Variants in ATP8A2 observed in about 807,000 individuals in gnomAD.
ATP8A2 encodes ATPase phospholipid transporting 8A2.
ATP8A2 carries 100 observed loss-of-function variants against 165.6 expected under a neutral mutation model. That is an observed-to-expected ratio of 0.60 (90% CI 0.51 to 0.71). The LOEUF is 0.71. Among genes scored for constraint, ATP8A2 ranks in the 30% least tolerant of loss-of-function variants. The pLI is 0.00. For synonymous variants in ATP8A2, 543 were observed against 548.8 expected (o/e 0.99, Z 0.15); for missense variants, 1,227 against 1,479.5 (o/e 0.83, Z 2.80).
chr13:25,817,777 A>C (rs1384656804), intron 27 of ATP8A2, among the ~76,000 whole-genome samples: 2 of 151,842 alleles, frequency 1.3e-5, no homozygotes, highest in Non-Finnish European at 2.9e-5. Context: ...TCTCTGGCTC[A>C]AGCAACCTTC....
intron 33 of ATP8A2, among the ~76,000 whole-genome samples, chr13:25,952,405 T>G (rs948277362): frequency 1.3e-5 from 2 of 150,800 alleles, no homozygotes; most frequent in Admixed American, 1.3e-4. Flanking sequence ...TGCTCCCAGA[T>G]AGGGTCACTC....
chr13:25,970,516 A>G (rs1407803140), intron 35 of ATP8A2, among the ~76,000 whole-genome samples: 2 of 152,232 alleles, frequency 1.3e-5, no homozygotes, highest in African/African-American at 2.4e-5. Context: ...GGCCACATGC[A>G]TTTTGCAGAG....
intron 2 of ATP8A2, among the ~76,000 whole-genome samples, chr13:25,524,272 T>G (rs890442299): frequency 2.6e-5 from 4 of 152,146 alleles, no homozygotes. Flanking sequence ...TTGATTTATA[T>G]CCTAAGATAT....
intron 27 of ATP8A2, among the ~76,000 whole-genome samples, chr13:25,781,487 CT>C (rs536351975): frequency 5.9e-5 from 9 of 151,406 alleles, no homozygotes; most frequent in African/African-American, 1.5e-4. Flanking sequence ...ATTTTTCAAA[CT>C]TTTTTTTGTT....
intron 35 of ATP8A2, among the ~76,000 whole-genome samples, chr13:25,974,877 C>A (rs1164905414): frequency 6.6e-6 from 1 of 152,140 alleles, no homozygotes; most frequent in Non-Finnish European, 1.5e-5. Flanking sequence ...CTTCACCCAC[C>A]ATCCCACAGC....
chr13:25,511,176 G>A (rs528994655), intron 2 of ATP8A2, among the ~76,000 whole-genome samples: 45 of 152,246 alleles, frequency 3.0e-4, no homozygotes, highest in African/African-American at 1.1e-3. Flanking sequence ...TATCATGTTT[G>A]CCTCTTTTCT....
intron 28 of ATP8A2, among the ~76,000 whole-genome samples, chr13:25,831,923 A>G (rs961976984): frequency 0.017 from 9 of 532 alleles, no homozygotes; most frequent in African/African-American, 0.065. Flanking sequence ...CATTATATCC[A>G]TAGTCAATTT....
At chr13:25,765,199 C>A (rs2044465916) in intron 25 of ATP8A2, among the ~76,000 whole-genome samples, 1 of 152,054 alleles carries the variant, frequency 6.6e-6, no homozygotes, top group Non-Finnish European at 1.5e-5. Flanking sequence ...TTATGTTATC[C>A]AAAAAAGCAG....
chr13:25,408,222 G>A (rs961139069), intron 1 of ATP8A2, among the ~76,000 whole-genome samples: 4 of 152,062 alleles, frequency 2.6e-5, no homozygotes, highest in Admixed American at 6.6e-5. Flanking sequence ...GTGAAACCCC[G>A]TCTCTACTAA....
intron 2 of ATP8A2, among the ~76,000 whole-genome samples, chr13:25,512,699 T>C (rs1297926906): frequency 1.8e-5 from 2 of 108,266 alleles, no homozygotes; most frequent in Non-Finnish European, 3.7e-5. Context: ...CCCCCCAACC[T>C]CCCTCCCGGA....
At chr13:25,453,756 A>G (rs1181613593) in intron 1 of ATP8A2, among the ~76,000 whole-genome samples, 3 of 152,242 alleles carry the variant, frequency 2.0e-5, no homozygotes, top group Admixed American at 2.0e-4. Context: ...AATGAACTAC[A>G]TTTCTTGACA....
chr13:25,561,228 C>T (rs1361706445), intron 15 of ATP8A2, among the ~76,000 whole-genome samples: 1 of 152,158 alleles, frequency 6.6e-6, no homozygotes, highest in Non-Finnish European at 1.5e-5. Flanking sequence ...TCTTGATTCT[C>T]AGAAGTGTCT....
At chr13:25,388,785 GGAGC>G (rs2033145784) in intron 1 of ATP8A2, among the ~76,000 whole-genome samples, 1 of 152,166 alleles carries the variant, frequency 6.6e-6, no homozygotes, top group African/African-American at 2.4e-5. Flanking sequence ...TTATCAGGAG[GGAGC>G]TAAACACGGG....
chr13:25,788,223 A>G (rs978829889), intron 27 of ATP8A2, among the ~76,000 whole-genome samples: 7 of 152,244 alleles, frequency 4.6e-5, no homozygotes, highest in African/African-American at 1.7e-4. Context: ...GGGTGAAGTA[A>G]AATCATACAG....
intron 27 of ATP8A2, 54 bp downstream of exon 27, chr13:25,775,013 T>A: frequency 7.8e-6 from 8 of 1,029,632 alleles, no homozygotes; most frequent in Non-Finnish European, 1.2e-5. Flanking sequence ...AGAGGATATC[T>A]TGAGGTATTT....
intron 30 of ATP8A2, among the ~76,000 whole-genome samples, chr13:25,859,453 C>A (rs116980422): frequency 0.027 from 4,091 of 152,096 alleles, 71 homozygotes; most frequent in Non-Finnish European, 0.044. Context: ...TAGGCTCTGA[C>A]CACTCAGGAT....
chr13:25,893,721 T>C (rs1566244828), intron 33 of ATP8A2, among the ~76,000 whole-genome samples: 1 of 152,236 alleles, frequency 6.6e-6, no homozygotes, highest in South Asian at 2.1e-4. Flanking sequence ...TGTTGTTTCC[T>C]GACTTTTGAA....
At chr13:25,768,017 A>T (rs531175740) in intron 25 of ATP8A2, among the ~76,000 whole-genome samples, 102 of 127,878 alleles carry the variant, frequency 8.0e-4, no homozygotes, top group Non-Finnish European at 1.4e-3. Context: ...TGGCCAGTAG[A>T]CCTCTGTGAA....
intron 33 of ATP8A2, among the ~76,000 whole-genome samples, chr13:25,934,302 A>G (rs982257453): frequency 1.3e-5 from 2 of 152,170 alleles, no homozygotes; most frequent in African/African-American, 4.8e-5. Flanking sequence ...TCTGCCTGTG[A>G]CAGAGCAGCC....
Sources: allele counts gnomAD v4.1 joint callset (sites outside exome capture counted in the v4.1 genomes callset), GRCh38; gene constraint gnomAD v4.1.1; transcripts MANE v1.5; gene names NCBI Gene and HGNC (gene_info 2026-07-23, HGNC 2026-07-21).